The following NPAS2 variants were observed in gnomAD, a reference collection of about 807,000 sequenced individuals.
NPAS2 encodes neuronal PAS domain protein 2, also known as neuronal PAS domain-containing protein 2.
A neutral mutation model predicts 107.5 loss-of-function variants in NPAS2; 23 were observed. That is an observed-to-expected ratio of 0.21 (90% CI 0.15 to 0.30). The LOEUF (loss-of-function observed/expected upper bound fraction) is 0.30, where lower values mean the gene tolerates loss of function less well. NPAS2 is among the 10% of genes least tolerant of loss of function. NPAS2 has a pLI of 1.00. For missense variants in NPAS2, 756 were observed against 1,043.3 expected, an observed-to-expected ratio of 0.72 and a Z score of 3.79; for synonymous variants, 403 against 417.5, an observed-to-expected ratio of 0.97 and a Z score of 0.42.
chr2:100,955,486 G>A (rs1675514649), intron 7 of NPAS2, among the ~76,000 whole-genome samples: 1 of 152,184 alleles, frequency 6.6e-6, no homozygotes, highest in Non-Finnish European at 1.5e-5. Flanking sequence ...GAGGCTTAGA[G>A]AGCTTCCCTA....
rs149898504 is a variant in NPAS2, at chr2:100,849,814, G to C, written c.-23+29400G>C. Among the ~76,000 whole-genome samples the C allele has an allele frequency of 3.8e-3, 580 of 152,114 alleles. 6 individuals carry two copies. Among genetic ancestry groups the C allele is most frequent in the African/African-American group, 0.013 (557 of 41,500 alleles). On this transcript the variant is annotated intron_variant, in intron 1 of 20. Transcript: ENST00000335681. ...ACAGCGTGGTTCTGGTCCCACAGAGGTCCTATTGTCTGTAAGAATTTGATG... is the reference window on the plus strand; with the variant it reads ...ACAGCGTGGTTCTGGTCCCACAGAGCTCCTATTGTCTGTAAGAATTTGATG...
chr2:100,942,310 AAC>A (rs1376210574), intron 5 of NPAS2, among the ~76,000 whole-genome samples: 1 of 152,146 alleles, frequency 6.6e-6, no homozygotes, highest in Non-Finnish European at 1.5e-5. Flanking sequence ...GTTAACACAA[AAC>A]ACAGCAGCAA....
intron 11 of NPAS2, among the ~76,000 whole-genome samples, chr2:100,969,192 T>A (rs961726824): frequency 1.1e-4 from 16 of 151,980 alleles, no homozygotes; most frequent in African/African-American, 4.8e-5. Flanking sequence ...TTTTTTTTTT[T>A]AAACTTTAAG....
At chr2:100,910,567 T>C (rs1682481296) in intron 2 of NPAS2, among the ~76,000 whole-genome samples, 1 of 150,172 alleles carries the variant, frequency 6.7e-6, no homozygotes. Context: ...CTCACTCTGC[T>C]ACCCAGGCTG....
chr2:100,959,501 A>T (rs1309610683), intron 7 of NPAS2, among the ~76,000 whole-genome samples: 2 of 152,216 alleles, frequency 1.3e-5, no homozygotes, highest in African/African-American at 4.8e-5. Flanking sequence ...TGGGTCAAGC[A>T]CATTGTGAAG....
chr2:100,907,775 G>C (rs1682261337), intron 2 of NPAS2, among the ~76,000 whole-genome samples: 1 of 152,160 alleles, frequency 6.6e-6, no homozygotes. Flanking sequence ...CCAAACAAGG[G>C]CACGGTTCCA....
chr2:100,891,563 GA>G lies in NPAS2; in HGVS notation c.-22-13169del, dbSNP rs1681071738. On this transcript the variant is annotated intron_variant, in intron 1 of 20. Coordinates refer to ENST00000335681, the MANE Select transcript of NPAS2 (RefSeq NM_002518.4). ...AAAAGTGGGTCCACTTCAGCTTACAGATGAGGTCATCATGCCCAGGCTCCAA... is the reference window on the plus strand; with the variant it reads ...AAAAGTGGGTCCACTTCAGCTTACAGTGAGGTCATCATGCCCAGGCTCCAA... 4.6e-5 allele frequency among the ~76,000 whole-genome samples: 7 copies of G among 152,332 alleles called. 1 individual carries two copies. The South Asian group carries it at 1.5e-3, about 32-fold the overall frequency.
chr2:100,975,287 G>T, intron 13 of NPAS2, 171 bp from the exon 14 acceptor site: 1 of 656,158 alleles, frequency 1.5e-6, no homozygotes, highest in South Asian at 2.0e-5. Flanking sequence ...TCTCCTACCT[G>T]CTCCCAGGCT....
intron 14 of NPAS2, among the ~76,000 whole-genome samples, chr2:100,975,857 G>A (rs1208721424): frequency 1.3e-5 from 2 of 152,190 alleles, no homozygotes; most frequent in Admixed American, 6.5e-5. Flanking sequence ...TACCCCCAGA[G>A]CCCCTGGGGC....
At position 100,930,473 on chromosome 2, in the gene NPAS2, G is replaced by A. The variant is rs186797612; in HGVS notation, c.182-2437G>A. Among the ~76,000 whole-genome samples the A allele has an allele frequency of 8.7e-3, 1,328 of 152,274 alleles. 8 individuals carry two copies. The highest frequency in any genetic ancestry group is 0.013 in the Non-Finnish European group (856 of 68,016). On this transcript the variant is annotated intron_variant, in intron 3 of 20. Coordinates refer to ENST00000335681, the MANE Select transcript of NPAS2 (RefSeq NM_002518.4). ...GTGATATCAGAGTAGAATTTGGGGGGTTGGCTCTTAATCACAATGTTTTCC... is the reference window on the plus strand; with the variant it reads ...GTGATATCAGAGTAGAATTTGGGGGATTGGCTCTTAATCACAATGTTTTCC...
intron 1 of NPAS2, among the ~76,000 whole-genome samples, chr2:100,887,191 C>G (rs552377135): frequency 7.2e-5 from 11 of 152,286 alleles, no homozygotes; most frequent in South Asian, 4.1e-4. Flanking sequence ...TGAGACAACC[C>G]CAATCCAGAC....
At chr2:100,877,445 CAA>C (rs72050213) in intron 1 of NPAS2, among the ~76,000 whole-genome samples, 27 of 81,594 alleles carry the variant, frequency 3.3e-4, no homozygotes, top group African/African-American at 1.1e-3. Flanking sequence ...GACTCCGTCT[CAA>C]AAAAAAAAAA....
chr2:100,844,048 A>T (rs1399781423), intron 1 of NPAS2, among the ~76,000 whole-genome samples: 5 of 152,232 alleles, frequency 3.3e-5, no homozygotes, highest in Admixed American at 3.3e-4. Flanking sequence ...CGGGCTGCCC[A>T]TAGTACACAG....
In NPAS2 at chr2:100,932,962, A is replaced by G. The variant is rs767188768; in HGVS notation, c.234A>G (p.Ser78=). 40 of 1,614,060 alleles carry G rather than the reference A, an allele frequency of 2.5e-5. No individual in the cohort carries two copies. In the Middle Eastern group the frequency reaches 2.3e-3, roughly 93 times the overall value. ...ACATTCAGCAAGACTGGAAGCCTTC[A>G]TTCCTCAGTAATGAAGAATTCACCC... is the stretch of plus-strand genomic sequence containing the variant. ...ICDIQQDWKP[S]FLSNEEFTQL... is the part of the protein sequence containing the mutation. The change falls in exon 4 of 21, where the codon TCA becomes TCG. Residue 78 remains serine, a synonymous_variant. Transcript: ENST00000335681.
At chr2:100,918,077 T>TATA in intron 2 of NPAS2, among the ~76,000 whole-genome samples, 1 of 150,886 alleles carries the variant, frequency 6.6e-6, no homozygotes, top group African/African-American at 2.4e-5. Flanking sequence ...TTTATATATA[T>TATA]TTTAAATTAC....
intron 4 of NPAS2, among the ~76,000 whole-genome samples, chr2:100,936,766 AG>A (rs1382772179): frequency 6.7e-6 from 1 of 148,418 alleles, no homozygotes; most frequent in Admixed American, 6.8e-5. Context: ...GGATCACTTG[AG>A]GACAGGAGTT....
chr2:100,882,549 G>C (rs187879370), intron 1 of NPAS2, among the ~76,000 whole-genome samples: 17 of 152,318 alleles, frequency 1.1e-4, no homozygotes, highest in South Asian at 2.1e-4. Flanking sequence ...GGAGGCGGAG[G>C]TTGCAGTGAG....
intron 2 of NPAS2, among the ~76,000 whole-genome samples, chr2:100,914,370 G>A (rs191478071): frequency 5.3e-5 from 8 of 152,172 alleles, no homozygotes; most frequent in African/African-American, 1.2e-4. Flanking sequence ...AGAGAGCTAC[G>A]CCTGAGGTGC....
At chr2:100,941,431 C>T (rs1412182510) in intron 5 of NPAS2, among the ~76,000 whole-genome samples, 2 of 152,016 alleles carry the variant, frequency 1.3e-5, no homozygotes, top group South Asian at 4.1e-4. Flanking sequence ...GGTGTGGTGG[C>T]GCATGCCTGT....
Sources: allele counts gnomAD v4.1 joint callset (sites outside exome capture counted in the v4.1 genomes callset), GRCh38; gene constraint gnomAD v4.1.1; transcripts MANE v1.5; gene names NCBI Gene and HGNC (gene_info 2026-07-23, HGNC 2026-07-21).